CCDC150: variants seen among roughly 807,000 people sequenced by gnomAD.
CCDC150 encodes coiled-coil domain containing 150.
In CCDC150, 151 loss-of-function variants were observed where a neutral mutation model predicts 156.5. The observed-to-expected ratio is 0.97, with a 90% CI of 0.85 to 1.10. CCDC150 has a LOEUF of 1.10. Among genes scored for constraint, CCDC150 ranks in the 50% least tolerant of loss-of-function variants. CCDC150 has a pLI of 0.00. For missense variants in CCDC150, 1,312 were observed against 1,268.1 expected, an observed-to-expected ratio of 1.03 and a Z score of -0.53; for synonymous variants, 452 against 429.4, an observed-to-expected ratio of 1.05 and a Z score of -0.65.
chr2:196,713,978 G>A (rs2714148), intron 17 of CCDC150, among the ~76,000 whole-genome samples: 117,289 of 152,074 alleles, frequency 0.77, 45,432 homozygotes, highest in East Asian at 0.95. Flanking sequence ...CTTGGATAAA[G>A]CCTCATTTTC....
rs1697174019 is a variant in CCDC150, at chr2:196,712,193, A to G, written c.1744A>G (p.Ser582Gly). 6.3e-7 allele frequency: 1 copy of G among 1,589,574 alleles called. No homozygotes were observed. The highest frequency in any genetic ancestry group is 8.6e-7 in the Non-Finnish European group (1 of 1,165,720). ...EEQVQSFTDT[S>G]LQNDHLRKMN... ...ACAAGTACAGTCTTTTACTGACACC[A>G]GCTTACAGAATGATCATCTACGCAA... Residue 582 changes from serine to glycine, a missense_variant, in exon 16 of 28, where the codon AGC becomes GGC. By Grantham distance (56) the Ser-to-Gly change is moderately conservative. Transcript: ENST00000389175.
intron 2 of CCDC150, among the ~76,000 whole-genome samples, chr2:196,651,636 C>T (rs1692879151): frequency 6.6e-6 from 1 of 152,136 alleles, no homozygotes; most frequent in Non-Finnish European, 1.5e-5. Context: ...TTGAAAACTT[C>T]ATCGATAGTC....
intron 5 of CCDC150, among the ~76,000 whole-genome samples, chr2:196,664,082 A>G (rs1442585178): frequency 6.6e-6 from 1 of 152,010 alleles, no homozygotes. Flanking sequence ...CCTCCAAAAC[A>G]GGGAAGAAAA....
At position 196,683,384 on chromosome 2, in the gene CCDC150, C is replaced by T. The variant is rs1205030093; in HGVS notation, c.1509+6023C>T. ...ATAAATTTTATTTGGTCATGTTGTCCTTTTTATATGTTGTTGCATTAGGCT... is the reference window on the plus strand; with the variant it reads ...ATAAATTTTATTTGGTCATGTTGTCTTTTTTATATGTTGTTGCATTAGGCT... On this transcript the variant is annotated intron_variant, in intron 13 of 27. Coordinates refer to ENST00000389175, the MANE Select transcript of CCDC150 (RefSeq NM_001080539.2). Among the ~76,000 whole-genome samples the T allele has an allele frequency of 2.0e-5, 3 of 151,862 alleles. No homozygotes were observed. In the East Asian group the frequency reaches 5.8e-4, roughly 29 times the overall value.
At chr2:196,731,716 T>C (rs1481673436) in intron 26 of CCDC150, among the ~76,000 whole-genome samples, 1 of 152,112 alleles carries the variant, frequency 6.6e-6, no homozygotes, top group East Asian at 1.9e-4. Context: ...GAGTCTTTTG[T>C]GCATTTTTTT....
rs544636499 is a variant in CCDC150, at chr2:196,661,169, G to A, written c.645+2309G>A. Among the ~76,000 whole-genome samples the A allele has an allele frequency of 4.6e-5, 7 of 152,310 alleles. No homozygotes were observed. The South Asian group carries it at 6.2e-4, about 14-fold the overall frequency. ...TTTGATTAAGCTCTGTCAAAGACTT[G>A]CAGAAGTACTATGCTAGTCAAACAT... On this transcript the variant is annotated intron_variant, in intron 5 of 27. Transcript: ENST00000389175.
intron 16 of CCDC150, 151 bp downstream of exon 16, chr2:196,712,403 G>A (rs747872049): frequency 1.2e-5 from 7 of 565,526 alleles, no homozygotes; most frequent in Non-Finnish European, 2.2e-5. Context: ...CAAGCACCTA[G>A]TACATACAAG....
chr2:196,644,048 A>G (rs769779662), intron 1 of CCDC150, among the ~76,000 whole-genome samples: 5 of 152,138 alleles, frequency 3.3e-5, no homozygotes, highest in African/African-American at 4.8e-5. Context: ...TGACTGATGG[A>G]ACGCTCTGGG....
rs777992633 is a variant in CCDC150 at position 196,729,256 on chromosome 2, C to T, written c.2620C>T (p.Leu874=). ...GGAAGTGTCCCGGACCAACCGAGAGCTGCGACAGAAACTTGCAGAGCTAGA... is the reference window on the plus strand; with the variant it reads ...GGAAGTGTCCCGGACCAACCGAGAGTTGCGACAGAAACTTGCAGAGCTAGA... ...SVEVSRTNRE[L]RQKLAELEKI... The change falls in exon 23 of 28, where the codon CTG becomes TTG. Residue 874 remains leucine (L), a synonymous_variant. Transcript: ENST00000389175. 1.5e-5 allele frequency: 25 copies of T among 1,613,710 alleles called. No homozygotes were observed. The highest frequency in any genetic ancestry group is 2.2e-5 in the East Asian group (1 of 44,888).
intron 15 of CCDC150, among the ~76,000 whole-genome samples, chr2:196,707,810 T>C (rs1369266326): frequency 1.3e-5 from 2 of 152,210 alleles, no homozygotes; most frequent in African/African-American, 4.8e-5. Flanking sequence ...AGTTTCCATG[T>C]AGTTGTGCGG....
intron 15 of CCDC150, among the ~76,000 whole-genome samples, chr2:196,709,199 T>C (rs1248327671): frequency 6.6e-6 from 1 of 152,214 alleles, no homozygotes; most frequent in African/African-American, 2.4e-5. Context: ...GCTTTGTTGA[T>C]TTCTTTTTAC....
At chr2:196,679,655 G>C (rs1354928958) in intron 13 of CCDC150, among the ~76,000 whole-genome samples, 1 of 152,196 alleles carries the variant, frequency 6.6e-6, no homozygotes, top group Non-Finnish European at 1.5e-5. Flanking sequence ...TCTGGTTCCT[G>C]TGATAAATGT....
intron 2 of CCDC150, among the ~76,000 whole-genome samples, chr2:196,653,953 T>A (rs1693030660): frequency 6.6e-6 from 1 of 152,102 alleles, no homozygotes; most frequent in African/African-American, 2.4e-5. Context: ...ACAATCCTGG[T>A]GGAAGGCAAA....
intron 5 of CCDC150, 138 bp downstream of exon 5, chr2:196,658,998 T>A (rs112342041): frequency 3.2e-6 from 2 of 627,086 alleles, no homozygotes; most frequent in Non-Finnish European, 5.6e-6. Flanking sequence ...ATATGCCACA[T>A]TGAATTCAAG....
rs926306547 is a variant in CCDC150 at position 196,666,713 on chromosome 2, T to C, written c.763-6T>C. ...CAGAAAAAGAGTTTTTCTTATACAA[T>C]TTCAGGTGCACATTTTGCAGCAAAA... On this transcript the variant is annotated splice_region_variant and splice_polypyrimidine_tract_variant and intron_variant, in intron 6 of 27. Transcript: ENST00000389175. 6.3e-7 allele frequency: 1 copy of C among 1,592,718 alleles called. No individual in the cohort carries two copies.
At chr2:196,685,163 G>A (rs1186017819) in intron 13 of CCDC150, among the ~76,000 whole-genome samples, 3 of 151,466 alleles carry the variant, frequency 2.0e-5, no homozygotes, top group African/African-American at 7.3e-5. Flanking sequence ...TATATTTCTA[G>A]TTCACCATTT....
intron 17 of CCDC150, among the ~76,000 whole-genome samples, chr2:196,713,999 T>C (rs1399265769): frequency 1.3e-5 from 2 of 152,166 alleles, no homozygotes; most frequent in African/African-American, 4.8e-5. Context: ...AAATAGAAAA[T>C]TAATTCAAGA....
chr2:196,710,262 C>T (rs536830594), intron 15 of CCDC150, among the ~76,000 whole-genome samples: 3 of 152,276 alleles, frequency 2.0e-5, no homozygotes, highest in East Asian at 1.9e-4. Context: ...CAGACTTCTG[C>T]GTTAGCAGTG....
chr2:196,681,215 A>AT (rs1458384126), intron 13 of CCDC150, among the ~76,000 whole-genome samples: 2 of 152,214 alleles, frequency 1.3e-5, no homozygotes, highest in Admixed American at 6.5e-5. Flanking sequence ...ACAATATTTG[A>AT]TTTTTTGTGT....
Sources: allele counts gnomAD v4.1 joint callset (sites outside exome capture counted in the v4.1 genomes callset), GRCh38; gene constraint gnomAD v4.1.1; transcripts MANE v1.5; gene names NCBI Gene and HGNC (gene_info 2026-07-23, HGNC 2026-07-21).